Variants in FSHR observed in about 807,000 individuals in gnomAD.
FSHR encodes follicle stimulating hormone receptor, also known as follicle-stimulating hormone receptor.
Under a neutral mutation model 52.1 loss-of-function variants are expected in FSHR, and 46 were observed. That is an observed-to-expected ratio of 0.88 (90% confidence interval 0.70 to 1.13). The LOEUF (loss-of-function observed/expected upper bound fraction) is 1.13, where lower values mean the gene tolerates loss of function less well. FSHR is among the 50% of genes most tolerant of loss of function. The pLI, the probability that FSHR is intolerant of heterozygous loss-of-function variation, is 0.00. For missense variants in FSHR, 964 were observed against 834.6 expected, an observed-to-expected ratio of 1.16 and a Z score of -1.91; for synonymous variants, 399 against 309.6, an observed-to-expected ratio of 1.29 and a Z score of -3.03.
At chr2:49,153,189 T>A (rs993302757) in intron 1 of FSHR, among the ~76,000 whole-genome samples, 2 of 152,238 alleles carry the variant, frequency 1.3e-5, no homozygotes, top group East Asian at 3.8e-4. Flanking sequence ...AGTGTCAATA[T>A]GGCAATTGGT....
At chr2:49,135,062 A>G (rs970448669) in intron 1 of FSHR, among the ~76,000 whole-genome samples, 10 of 152,142 alleles carry the variant, frequency 6.6e-5, no homozygotes, top group African/African-American at 2.4e-4. Flanking sequence ...CTATCAATCT[A>G]GACAGAATAT....
chr2:49,026,294 A>T (rs776933035), intron 2 of FSHR, among the ~76,000 whole-genome samples: 1 of 152,226 alleles, frequency 6.6e-6, no homozygotes, highest in Non-Finnish European at 1.5e-5. Context: ...AATTTGACAT[A>T]ATATATTTCC....
chr2:49,126,118 G>T (rs1301240767), intron 1 of FSHR, among the ~76,000 whole-genome samples: 1 of 152,210 alleles, frequency 6.6e-6, no homozygotes, highest in Non-Finnish European at 1.5e-5. Context: ...AGTTGGGAAG[G>T]TGTCTTAATC....
At chr2:49,057,610 A>G (rs1288619252) in intron 2 of FSHR, among the ~76,000 whole-genome samples, 1 of 152,190 alleles carries the variant, frequency 6.6e-6, no homozygotes, top group Non-Finnish European at 1.5e-5. Flanking sequence ...TTGAAAAATA[A>G]TTAATACCAA....
intron 1 of FSHR, among the ~76,000 whole-genome samples, chr2:49,127,824 T>TTTTTTTTATAAGGAG: frequency 1.8e-5 from 1 of 55,550 alleles, no homozygotes; most frequent in Admixed American, 2.8e-4. Context: ...CTTCTTCTTC[T>TTTTTTTTATAAGGAG]TCTTCCTCTT....
chr2:49,049,482 A>T (rs542342669), intron 2 of FSHR, among the ~76,000 whole-genome samples: 72 of 152,234 alleles, frequency 4.7e-4, no homozygotes, highest in Non-Finnish European at 7.1e-4. Context: ...CATCAGGACC[A>T]TGAATGCTTG....
chr2:48,999,836 G>A (rs1014220018), intron 4 of FSHR, among the ~76,000 whole-genome samples: 5 of 152,060 alleles, frequency 3.3e-5, no homozygotes, highest in African/African-American at 1.2e-4. Context: ...CAAACATACT[G>A]ACTTTGGACT....
At chr2:48,968,555 A>G (rs1235846721) in intron 9 of FSHR, 143 bp downstream of exon 9, 1 of 958,786 alleles carries the variant, frequency 1.0e-6, no homozygotes, top group Non-Finnish European at 1.6e-6. Flanking sequence ...CATGAACTGA[A>G]TTTTTGACCC....
In FSHR at chr2:49,146,099, C is replaced by T. The variant is rs141709690; in HGVS notation, c.152+8167G>A. ...TGTTCTGAATTTGGGCATGTGTACC[C>T]ACAGAGGAATTAAACCAGGACAAGA... On this transcript the variant is annotated intron_variant, in intron 1 of 9. Transcript: ENST00000406846. 2.3e-4 allele frequency among the ~76,000 whole-genome samples: 35 copies of T among 152,020 alleles called. No homozygotes were observed. In the East Asian group the frequency reaches 6.4e-3, roughly 28 times the overall value.
intron 8 of FSHR, among the ~76,000 whole-genome samples, chr2:48,973,657 A>C (rs1004839416): frequency 1.3e-5 from 2 of 152,172 alleles, no homozygotes; most frequent in East Asian, 3.8e-4. Context: ...TTTGTATTTT[A>C]TCTCTCCTTG....
At chr2:48,994,190 G>A (rs963904228) in intron 4 of FSHR, among the ~76,000 whole-genome samples, 18 of 152,120 alleles carry the variant, frequency 1.2e-4, no homozygotes, top group Admixed American at 4.6e-4. Flanking sequence ...CACTGCCTAT[G>A]TTTATTACAG....
intron 4 of FSHR, among the ~76,000 whole-genome samples, chr2:49,013,621 G>C (rs1240762272): frequency 2.7e-5 from 4 of 150,534 alleles, no homozygotes; most frequent in Non-Finnish European, 5.9e-5. Flanking sequence ...CTGAGGAGGA[G>C]TACATAGCTG....
chr2:49,038,626 A>AAATAATAATAATAATAATAATAAT, intron 2 of FSHR, among the ~76,000 whole-genome samples: 1 of 70,620 alleles, frequency 1.4e-5, no homozygotes, highest in East Asian at 4.7e-4. Context: ...CTCTGTCTCA[A>AAATAATAATAATAATAATAATAAT]AATAATAATA....
chr2:48,963,632 G>A lies in FSHR; in HGVS notation c.1189C>T (p.Pro397Ser), dbSNP rs1674335251. 7.4e-6 allele frequency: 12 copies of A among 1,614,168 alleles called. No individual in the cohort carries two copies. The highest frequency in any genetic ancestry group is 1.1e-5 in the South Asian group (1 of 91,080). The change falls in exon 10 of 10, where the codon CCC (proline) becomes TCC (serine). Residue 397 changes from proline (P) to serine (S), a missense_variant. Pro to Ser is a moderately conservative substitution (Grantham distance 74). Transcript: ENST00000406846. ...GCCAGGTTGCACATAAGGAACCTGG[G>A]GACTGTGAGTTTATATTGGCTGGTA... ...LTTSQYKLTV[P>S]RFLMCNLAFA...
chr2:49,135,325 C>G (rs1270800046), intron 1 of FSHR, among the ~76,000 whole-genome samples: 1 of 151,780 alleles, frequency 6.6e-6, no homozygotes, highest in East Asian at 1.9e-4. Context: ...AATTTGGGAA[C>G]TCACAAATAT....
chr2:49,056,395 C>T (rs946946252), intron 2 of FSHR, among the ~76,000 whole-genome samples: 1 of 145,322 alleles, frequency 6.9e-6, no homozygotes, highest in African/African-American at 2.6e-5. Context: ...CACAAATTAA[C>T]ATTATAAAAT....
chr2:48,970,129 G>C (rs1171294374), intron 8 of FSHR, among the ~76,000 whole-genome samples: 1 of 152,166 alleles, frequency 6.6e-6, no homozygotes, highest in East Asian at 1.9e-4. Flanking sequence ...TACCCCATAT[G>C]TTCTCACAAT....
At chr2:49,010,489 C>CT (rs1667229531) in intron 4 of FSHR, among the ~76,000 whole-genome samples, 2 of 152,150 alleles carry the variant, frequency 1.3e-5, no homozygotes, top group South Asian at 4.2e-4. Flanking sequence ...CTAAAATTCT[C>CT]TTTTTTTGTT....
chr2:49,098,667 G>A (rs1670913431), intron 1 of FSHR, among the ~76,000 whole-genome samples: 1 of 149,936 alleles, frequency 6.7e-6, no homozygotes, highest in East Asian at 1.9e-4. Flanking sequence ...ATTAAGAAAA[G>A]GGAATAATGT....
Sources: allele counts gnomAD v4.1 joint callset (sites outside exome capture counted in the v4.1 genomes callset), GRCh38; gene constraint gnomAD v4.1.1; transcripts MANE v1.5; gene names NCBI Gene and HGNC (gene_info 2026-07-23, HGNC 2026-07-21).